SYT16: variants seen among roughly 807,000 people sequenced by gnomAD.
SYT16 encodes synaptotagmin-16.
In SYT16, 42 loss-of-function variants were observed where a neutral mutation model predicts 61.4. The ratio of observed to expected loss-of-function variants is 0.68; its 90% CI spans 0.53 to 0.89. The LOEUF (loss-of-function observed/expected upper bound fraction) is 0.89. Among genes scored for constraint, SYT16 ranks in the 40% least tolerant of loss-of-function variants. The pLI is 0.00. For synonymous variants in SYT16, 314 were observed against 302.3 expected, an observed-to-expected ratio of 1.04 and a Z score of -0.40; for missense variants, 804 against 807.3, an observed-to-expected ratio of 1.00 and a Z score of 0.05.
At chr14:62,078,130 G>GCTCTCTCGCT (rs2056566224) in intron 5 of SYT16, among the ~76,000 whole-genome samples, 2 of 129,858 alleles carry the variant, frequency 1.5e-5, no homozygotes, top group African/African-American at 6.6e-5. Flanking sequence ...TCTCTCTAGT[G>GCTCTCTCGCT]CTCTCTCGCT....
At chr14:62,096,937 A>G (rs561349385) in intron 7 of SYT16, among the ~76,000 whole-genome samples, 1 of 152,278 alleles carries the variant, frequency 6.6e-6, no homozygotes, top group African/African-American at 2.4e-5. Flanking sequence ...TTAATAAATT[A>G]AAAGGGAAAG....
At chr14:61,867,420 G>A (rs894559430) in intron 1 of SYT16, among the ~76,000 whole-genome samples, 11 of 151,946 alleles carry the variant, frequency 7.2e-5, no homozygotes, top group African/African-American at 2.7e-4. Flanking sequence ...TTTCTCATGC[G>A]GTTTGTGAGA....
intron 1 of SYT16, among the ~76,000 whole-genome samples, chr14:61,845,827 A>G (rs1315395852): frequency 4.0e-5 from 6 of 151,862 alleles, no homozygotes; most frequent in African/African-American, 1.5e-4. Flanking sequence ...CTTCCCTCTT[A>G]GTATTGTTTT....
At chr14:61,916,914 C>G (rs1162780676) in intron 1 of SYT16, among the ~76,000 whole-genome samples, 2 of 152,124 alleles carry the variant, frequency 1.3e-5, no homozygotes, top group Non-Finnish European at 1.5e-5. Context: ...TTGACAATGA[C>G]AGGATTTCAT....
At position 62,034,635 on chromosome 14, in the gene SYT16, A is replaced by T. The variant is rs1008823344; in HGVS notation, c.524-34968A>T. On this transcript the variant is annotated intron_variant, in intron 3 of 7. Transcript: ENST00000683842. ...ATTATATGACTCTTTTTTATATGCA[A>T]TGTCCACAATAGGCCATTCCATATA... Among the ~76,000 whole-genome samples the T allele has an allele frequency of 2.7e-5, 4 of 149,766 alleles. No individual in the cohort carries two copies. In the South Asian group the frequency reaches 8.8e-4, roughly 33 times the overall value.
At chr14:61,952,478 G>A (rs1382988702) in intron 1 of SYT16, among the ~76,000 whole-genome samples, 2 of 152,204 alleles carry the variant, frequency 1.3e-5, no homozygotes. Flanking sequence ...TTAAAGGAAA[G>A]GAGAGCAAGT....
intron 1 of SYT16, among the ~76,000 whole-genome samples, chr14:61,943,544 C>T (rs757591716): frequency 1.4e-4 from 22 of 152,118 alleles, no homozygotes; most frequent in African/African-American, 2.9e-4. Flanking sequence ...ACGATCAAGT[C>T]GGCTTCATCC....
intron 1 of SYT16, among the ~76,000 whole-genome samples, chr14:61,889,783 G>T (rs1036105819): frequency 6.6e-6 from 1 of 151,950 alleles, no homozygotes; most frequent in Admixed American, 6.6e-5. Context: ...TTGCAGAATC[G>T]TGAGCTAAAT....
At chr14:61,968,433 G>A (rs771135419) in intron 1 of SYT16, among the ~76,000 whole-genome samples, 10 of 152,122 alleles carry the variant, frequency 6.6e-5, no homozygotes, top group Non-Finnish European at 1.3e-4. Flanking sequence ...CATTCACAAG[G>A]GAGAGTGGCT....
At chr14:62,043,122 A>G (rs1352309573) in intron 3 of SYT16, among the ~76,000 whole-genome samples, 1 of 149,436 alleles carries the variant, frequency 6.7e-6, no homozygotes, top group Non-Finnish European at 1.5e-5. Context: ...TTTTACATAG[A>G]AAGTTCTATT....
chr14:62,045,073 G>T (rs1200279244), intron 3 of SYT16, among the ~76,000 whole-genome samples: 1 of 152,158 alleles, frequency 6.6e-6, no homozygotes, highest in African/African-American at 2.4e-5. Context: ...TGGAGGCAGA[G>T]GTTGCAGTGA....
At chr14:61,923,202 G>A (rs1323213057) in intron 1 of SYT16, among the ~76,000 whole-genome samples, 1 of 152,156 alleles carries the variant, frequency 6.6e-6, no homozygotes, top group Non-Finnish European at 1.5e-5. Flanking sequence ...ACAAATTATG[G>A]AACTATGGCA....
At chr14:61,902,334 A>T (rs1424816222) in intron 1 of SYT16, among the ~76,000 whole-genome samples, 1 of 152,202 alleles carries the variant, frequency 6.6e-6, no homozygotes, top group Non-Finnish European at 1.5e-5. Flanking sequence ...GACTTCTCCC[A>T]TGCGCCTGAT....
intron 1 of SYT16, among the ~76,000 whole-genome samples, chr14:61,940,573 G>A (rs1366693607): frequency 1.3e-5 from 2 of 152,148 alleles, no homozygotes; most frequent in African/African-American, 4.8e-5. Context: ...CATCTGTTAA[G>A]TGATAATAAT....
chr14:61,882,851 A>G (rs2047750868), intron 1 of SYT16, among the ~76,000 whole-genome samples: 2 of 152,238 alleles, frequency 1.3e-5, no homozygotes, highest in Admixed American at 1.3e-4. Flanking sequence ...GGCAAAAACA[A>G]AGGGGCTTCA....
At chr14:62,090,246 C>A (rs2057025941) in intron 7 of SYT16, among the ~76,000 whole-genome samples, 1 of 152,112 alleles carries the variant, frequency 6.6e-6, no homozygotes, top group Non-Finnish European at 1.5e-5. Flanking sequence ...TTAAGATGTT[C>A]CCTCCAGTTA....
chr14:61,830,892 A>G (rs1345737911), intron 1 of SYT16, among the ~76,000 whole-genome samples: 1 of 152,174 alleles, frequency 6.6e-6, no homozygotes, highest in Non-Finnish European at 1.5e-5. Context: ...AGTGCCAGGC[A>G]AGGATGGTCA....
rs769718623 is a variant in SYT16, at chr14:62,110,634, C to T, written c.*9927C>T. The T allele has an allele frequency of 1.3e-5, 2 of 152,024 alleles. No individual in the cohort carries two copies. The highest frequency in any genetic ancestry group is 2.9e-5 in the Non-Finnish European group (2 of 67,938). 9.4% of individuals were successfully genotyped at this position (152,024 alleles called of 1,614,324 possible). ...TAGTTGGTCTTTAGCTGTTCTGTCT[C>T]TGAGGAGCTAGAAATAAAATATTAG... On this transcript the variant is annotated 3_prime_UTR_variant, in exon 8 of 8. Transcript: ENST00000683842.
intron 2 of SYT16, among the ~76,000 whole-genome samples, chr14:61,987,744 CTT>C (rs35325262): frequency 3.0e-5 from 2 of 65,712 alleles, no homozygotes; most frequent in African/African-American, 4.8e-5. Context: ...GATTTTTTTC[CTT>C]TTTTTTTTTT....
Sources: allele counts gnomAD v4.1 joint callset (sites outside exome capture counted in the v4.1 genomes callset), GRCh38; gene constraint gnomAD v4.1.1; transcripts MANE v1.5; gene names NCBI Gene and HGNC (gene_info 2026-07-23, HGNC 2026-07-21).